Variants in ZNF385B observed in about 807,000 individuals in gnomAD.
ZNF385B encodes the protein zinc finger protein 385B, also known as zinc finger protein 533.
Under a neutral mutation model 39.2 loss-of-function variants are expected in ZNF385B, and 23 were observed. The ratio of observed to expected loss-of-function variants is 0.59; its 90% CI spans 0.42 to 0.83. The LOEUF (loss-of-function observed/expected upper bound fraction) is 0.83, where lower values mean the gene tolerates loss of function less well. Ranked by LOEUF, ZNF385B falls within the 40% of genes least tolerant of loss-of-function variation. ZNF385B has a pLI of 0.00. For synonymous variants in ZNF385B, 205 were observed against 222.6 expected, an observed-to-expected ratio of 0.92 and a Z score of 0.70; for missense variants, 552 against 598.9, an observed-to-expected ratio of 0.92 and a Z score of 0.82.
intron 1 of ZNF385B, among the ~76,000 whole-genome samples, chr2:179,845,744 C>T (rs1180864023): frequency 6.6e-6 from 1 of 152,142 alleles, no homozygotes; most frequent in African/African-American, 2.4e-5. Context: ...CTAGAGACCT[C>T]CTAAGGAATG....
intron 3 of ZNF385B, among the ~76,000 whole-genome samples, chr2:179,603,944 A>G (rs1688605229): frequency 6.6e-6 from 1 of 152,242 alleles, no homozygotes; most frequent in African/African-American, 2.4e-5. Flanking sequence ...GGATTTTCAC[A>G]GACATTTATT....
At chr2:179,576,136 T>C in intron 3 of ZNF385B, 1 of 985,356 alleles carries the variant, frequency 1.0e-6, no homozygotes, top group South Asian at 4.7e-5. Context: ...CTCCAAAACG[T>C]CTCAAATCCA....
At chr2:179,844,704 T>C (rs1708710813) in intron 1 of ZNF385B, among the ~76,000 whole-genome samples, 2 of 151,582 alleles carry the variant, frequency 1.3e-5, no homozygotes, top group African/African-American at 2.4e-5. Context: ...GGAGAGAGAG[T>C]AAATAATCAA....
chr2:179,451,511 T>C (rs1175746463), intron 6 of ZNF385B, among the ~76,000 whole-genome samples: 23 of 152,088 alleles, frequency 1.5e-4, no homozygotes, highest in Admixed American at 1.4e-3. Flanking sequence ...AAAATTGAGA[T>C]GTATAGTATG....
intron 5 of ZNF385B, among the ~76,000 whole-genome samples, chr2:179,484,744 T>C (rs1257237534): frequency 6.6e-6 from 1 of 152,052 alleles, no homozygotes; most frequent in Non-Finnish European, 1.5e-5. Context: ...AGATGCATGC[T>C]ATGGGAGATA....
intron 3 of ZNF385B, among the ~76,000 whole-genome samples, chr2:179,665,181 A>G (rs779079122): frequency 1.3e-5 from 2 of 152,238 alleles, no homozygotes; most frequent in African/African-American, 2.4e-5. Context: ...GATCACTGTC[A>G]CAATGCTAAT....
intron 3 of ZNF385B, among the ~76,000 whole-genome samples, chr2:179,741,387 A>C (rs1238239844): frequency 6.6e-6 from 1 of 151,936 alleles, no homozygotes; most frequent in Non-Finnish European, 1.5e-5. Flanking sequence ...GGAGGAGGGG[A>C]ATATTAGTAA....
chr2:179,512,620 T>C (rs960208501), intron 5 of ZNF385B, among the ~76,000 whole-genome samples: 1 of 152,176 alleles, frequency 6.6e-6, no homozygotes, highest in Non-Finnish European at 1.5e-5. Flanking sequence ...GCAGTTGCAG[T>C]ATACTCAGTT....
intron 6 of ZNF385B, among the ~76,000 whole-genome samples, chr2:179,447,070 G>A (rs2049576908): frequency 6.6e-6 from 1 of 151,970 alleles, no homozygotes; most frequent in Non-Finnish European, 1.5e-5. Flanking sequence ...TACTCTACAA[G>A]GAAATATTTA....
At chr2:179,782,901 T>A (rs528629579) in intron 1 of ZNF385B, among the ~76,000 whole-genome samples, 1 of 152,306 alleles carries the variant, frequency 6.6e-6, no homozygotes, top group East Asian at 1.9e-4. Flanking sequence ...CAAATGGCTA[T>A]ACTGCCCAAA....
At chr2:179,756,459 G>C (rs1203748798) in intron 3 of ZNF385B, among the ~76,000 whole-genome samples, 1 of 152,044 alleles carries the variant, frequency 6.6e-6, no homozygotes, top group Non-Finnish European at 1.5e-5. Context: ...TATGTGTCTT[G>C]GAGTTGCTCT....
intron 3 of ZNF385B, among the ~76,000 whole-genome samples, chr2:179,711,122 T>G (rs961014914): frequency 2.0e-5 from 3 of 152,202 alleles, no homozygotes; most frequent in Non-Finnish European, 2.9e-5. Flanking sequence ...GCCCTGGACA[T>G]CTTAACTGCC....
intron 6 of ZNF385B, among the ~76,000 whole-genome samples, chr2:179,468,524 G>C (rs1037409699): frequency 1.3e-5 from 2 of 151,938 alleles, no homozygotes; most frequent in African/African-American, 4.9e-5. Flanking sequence ...AAAGCTGGGA[G>C]TAAGATTAAA....
intron 4 of ZNF385B, among the ~76,000 whole-genome samples, chr2:179,525,057 G>A (rs1178754184): frequency 6.6e-6 from 1 of 151,964 alleles, no homozygotes; most frequent in Non-Finnish European, 1.5e-5. Context: ...GGAATCAAAG[G>A]CTTTGAGAGG....
intron 3 of ZNF385B, among the ~76,000 whole-genome samples, chr2:179,664,954 T>C (rs557723709): frequency 6.6e-6 from 1 of 152,320 alleles, no homozygotes; most frequent in Admixed American, 6.5e-5. Context: ...GTGGGAAGTG[T>C]TTGACTATGA....
chr2:179,658,639 A>G (rs1247303559), intron 3 of ZNF385B, among the ~76,000 whole-genome samples: 1 of 152,186 alleles, frequency 6.6e-6, no homozygotes, highest in Non-Finnish European at 1.5e-5. Context: ...TACATAATCA[A>G]TTATAGACTT....
chr2:179,617,661 C>A (rs1324843999), intron 3 of ZNF385B, among the ~76,000 whole-genome samples: 1 of 152,096 alleles, frequency 6.6e-6, no homozygotes, highest in Non-Finnish European at 1.5e-5. Flanking sequence ...TCTTACAAGT[C>A]CTCATGTGGT....
At chr2:179,495,135 G>T (rs529034874) in intron 5 of ZNF385B, among the ~76,000 whole-genome samples, 2 of 152,186 alleles carry the variant, frequency 1.3e-5, no homozygotes, top group Non-Finnish European at 2.9e-5. Flanking sequence ...GGAGCCCACT[G>T]CCTTTAATGG....
intron 3 of ZNF385B, among the ~76,000 whole-genome samples, chr2:179,675,745 CA>C (rs1332258236): frequency 6.6e-6 from 1 of 151,598 alleles, no homozygotes; most frequent in Admixed American, 6.6e-5. Context: ...AGGCCACTTT[CA>C]AGAGTTGTAT....
Sources: allele counts gnomAD v4.1 joint callset (sites outside exome capture counted in the v4.1 genomes callset), GRCh38; gene constraint gnomAD v4.1.1; transcripts MANE v1.5; gene names NCBI Gene and HGNC (gene_info 2026-07-23, HGNC 2026-07-21).